Variants in HDAC4 observed in about 807,000 individuals in gnomAD.
HDAC4 encodes histone deacetylase A.
In HDAC4, 16 loss-of-function variants were observed where a neutral mutation model predicts 135.1. That is an observed-to-expected ratio of 0.12 (90% CI 0.08 to 0.18). The LOEUF is 0.18. Among genes scored for constraint, HDAC4 ranks in the 10% least tolerant of loss-of-function variants. HDAC4 has a pLI of 1.00. For synonymous variants in HDAC4, 685 were observed against 653.4 expected, an observed-to-expected ratio of 1.05 and a Z score of -0.74; for missense variants, 1,143 against 1,511.8, an observed-to-expected ratio of 0.76 and a Z score of 4.05.
At chr2:239,368,801 A>T (rs865984844) in intron 1 of HDAC4, among the ~76,000 whole-genome samples, 13 of 152,298 alleles carry the variant, frequency 8.5e-5, no homozygotes, top group South Asian at 2.1e-4. Flanking sequence ...CTTTCGGACC[A>T]AAGCAGTAAA....
intron 6 of HDAC4, among the ~76,000 whole-genome samples, chr2:239,157,132 C>T (rs1007587238): frequency 2.6e-5 from 4 of 152,196 alleles, no homozygotes; most frequent in Non-Finnish European, 5.9e-5. Flanking sequence ...GAGAGCCTAT[C>T]CCCGGTGGGG....
At chr2:239,260,593 A>G (rs370422062) in intron 2 of HDAC4, among the ~76,000 whole-genome samples, 1 of 152,072 alleles carries the variant, frequency 6.6e-6, no homozygotes, top group African/African-American at 2.4e-5. Context: ...TCAAATGCCT[A>G]TCAGGCCACT....
chr2:239,055,498 CT>C (rs1296220885), intron 24 of HDAC4, among the ~76,000 whole-genome samples: 1 of 152,190 alleles, frequency 6.6e-6, no homozygotes. Flanking sequence ...GGGTGGATCA[CT>C]TGAGGTCAGG....
rs759887252 is a variant in HDAC4 at position 239,134,254 on chromosome 2, G to C, written c.1285C>G (p.Leu429Val). 4.3e-6 allele frequency: 7 copies of C among 1,611,202 alleles called. No individual in the cohort carries two copies. The highest frequency in any genetic ancestry group is 1.1e-5 in the South Asian group (1 of 91,066). The change falls in exon 11 of 27, where the codon CTC (leucine) becomes GTC (valine). Residue 429 changes from leucine (L) to valine (V), a missense_variant. By Grantham distance (32) the Leu-to-Val change is conservative (BLOSUM62 1). Coordinates refer to ENST00000543185, the MANE Select transcript of HDAC4 (RefSeq NM_001378414.1). ...LLEQPPAQAPLVTDWYLSGLG... is the reference protein window; with the variant it reads ...LLEQPPAQAPVVTDWYLSGLG... ...GCCCATTTGTGCTCACCTGTGACGAGGGGTGCTTGTGCCGGCGGCTGCTCC... is the reference window on the plus strand; with the variant it reads ...GCCCATTTGTGCTCACCTGTGACGACGGGTGCTTGTGCCGGCGGCTGCTCC...
intron 12 of HDAC4, among the ~76,000 whole-genome samples, chr2:239,124,602 G>A (rs1007394991): frequency 2.3e-5 from 3 of 129,370 alleles, no homozygotes; most frequent in Non-Finnish European, 4.5e-5. Flanking sequence ...GTCATTCCAC[G>A]TTATATGACA....
At chr2:239,081,022 C>T in intron 22 of HDAC4, 73 bp downstream of exon 22, 1 of 1,188,366 alleles carries the variant, frequency 8.4e-7, no homozygotes, top group Non-Finnish European at 1.2e-6. Flanking sequence ...TCATCTCCAA[C>T]AAGTGCTTCC....
At chr2:239,367,084 C>T (rs1393689782) in intron 1 of HDAC4, among the ~76,000 whole-genome samples, 2 of 152,104 alleles carry the variant, frequency 1.3e-5, no homozygotes, top group Non-Finnish European at 2.9e-5. Flanking sequence ...GCCCCCAGGC[C>T]CCCAGCCACA....
intron 2 of HDAC4, among the ~76,000 whole-genome samples, chr2:239,337,433 C>A (rs752547540): frequency 1.3e-5 from 2 of 152,176 alleles, no homozygotes; most frequent in Non-Finnish European, 2.9e-5. Context: ...CACTGCAAGT[C>A]GGTTATCGCT....
At chr2:239,110,675 C>T (rs1024265337) in intron 14 of HDAC4, among the ~76,000 whole-genome samples, 1 of 152,228 alleles carries the variant, frequency 6.6e-6, no homozygotes, top group African/African-American at 2.4e-5. Context: ...AGAATGAAGC[C>T]GTGCTGTATT....
At chr2:239,091,401 T>G (rs62189548) in intron 17 of HDAC4, 13,731 of 152,366 alleles carry the variant, frequency 0.09, 806 homozygotes, top group Admixed American at 0.16. Flanking sequence ...GGTGGAGGTC[T>G]TAGAAGCCGT....
At chr2:239,215,304 G>A (rs1444205855) in intron 3 of HDAC4, among the ~76,000 whole-genome samples, 1 of 152,192 alleles carries the variant, frequency 6.6e-6, no homozygotes, top group African/African-American at 2.4e-5. Flanking sequence ...GTCAACACTG[G>A]TGAGAGGCCA....
intron 17 of HDAC4, among the ~76,000 whole-genome samples, chr2:239,093,647 G>A (rs955204378): frequency 3.3e-5 from 5 of 152,220 alleles, no homozygotes; most frequent in South Asian, 2.1e-4. Context: ...CACGTGGGGA[G>A]CTTTTCCATC....
intron 3 of HDAC4, among the ~76,000 whole-genome samples, chr2:239,198,674 G>C (rs1043731046): frequency 6.6e-6 from 1 of 152,160 alleles, no homozygotes; most frequent in African/African-American, 2.4e-5. Context: ...CTGCTGAATC[G>C]CTGTGACTCT....
chr2:239,227,300 G>C (rs1018505033), intron 3 of HDAC4, among the ~76,000 whole-genome samples: 2 of 152,164 alleles, frequency 1.3e-5, no homozygotes, highest in Non-Finnish European at 2.9e-5. Flanking sequence ...GAAAACTGCG[G>C]ACCAGTGGAA....
At chr2:239,237,297 G>A (rs2047939267) in intron 2 of HDAC4, among the ~76,000 whole-genome samples, 1 of 152,124 alleles carries the variant, frequency 6.6e-6, no homozygotes, top group Non-Finnish European at 1.5e-5. Flanking sequence ...ACCTGGCACA[G>A]GCTGGATTTA....
At chr2:239,239,422 T>C (rs541669746) in intron 2 of HDAC4, among the ~76,000 whole-genome samples, 87 of 152,230 alleles carry the variant, frequency 5.7e-4, no homozygotes, top group Non-Finnish European at 1.1e-3. Flanking sequence ...CAGGTGCGGC[T>C]GAACATGCTG....
At chr2:239,397,646 C>A (rs1026089641) in intron 1 of HDAC4, among the ~76,000 whole-genome samples, 7 of 152,292 alleles carry the variant, frequency 4.6e-5, no homozygotes, top group Admixed American at 2.6e-4. Context: ...GCTGCAGGCA[C>A]CATGGCCCTC....
At chr2:239,077,484 A>G (rs1229410072) in intron 22 of HDAC4, among the ~76,000 whole-genome samples, 2 of 152,218 alleles carry the variant, frequency 1.3e-5, no homozygotes, top group Middle Eastern at 3.2e-3. Context: ...CGCTTCTTAC[A>G]GGGCCGGCCC....
At chr2:239,377,523 T>C (rs575697946) in intron 1 of HDAC4, among the ~76,000 whole-genome samples, 1 of 152,216 alleles carries the variant, frequency 6.6e-6, no homozygotes, top group Non-Finnish European at 1.5e-5. Flanking sequence ...CACCTCTCAG[T>C]GCATCACCAC....
Sources: gnomAD v4.1 joint callset for allele counts (sites outside exome capture counted in the v4.1 genomes callset) on GRCh38, gnomAD v4.1.1 for gene constraint, MANE v1.5 for transcripts, NCBI Gene and HGNC (gene_info 2026-07-23, HGNC 2026-07-21) for gene names.